GPR137C: variants seen among roughly 807,000 people sequenced by gnomAD.
GPR137C encodes G protein-coupled receptor 137C.
A neutral mutation model predicts 43.4 loss-of-function variants in GPR137C; 27 were observed. The ratio of observed to expected loss-of-function variants is 0.62; its 90% CI spans 0.46 to 0.86. The LOEUF is 0.86. Ranked by LOEUF, GPR137C falls within the 40% of genes least tolerant of loss-of-function variation. GPR137C has a pLI of 0.00. For synonymous variants in GPR137C, 285 were observed against 226.9 expected (o/e 1.26, Z -2.30); for missense variants, 522 against 534.6 (o/e 0.98, Z 0.23).
intron 2 of GPR137C, 74 bp from the exon 3 acceptor site, chr14:52,600,039 T>A: frequency 1.1e-6 from 1 of 950,242 alleles, no homozygotes; most frequent in South Asian, 1.5e-5. Flanking sequence ...GTACCTAACA[T>A]AACACACTAA....
chr14:52,629,859 T>C (rs1224154984), intron 3 of GPR137C, among the ~76,000 whole-genome samples: 3 of 152,202 alleles, frequency 2.0e-5, no homozygotes, highest in African/African-American at 7.2e-5. Flanking sequence ...TCCAATGTTA[T>C]GGATACTGAG....
At chr14:52,577,191 A>C in intron 1 of GPR137C, among the ~76,000 whole-genome samples, 1 of 143,988 alleles carries the variant, frequency 6.9e-6, no homozygotes, top group East Asian at 2.0e-4. Flanking sequence ...CTCAAAAAAA[A>C]AAAAAAAAAA....
chr14:52,633,638 A>G lies in GPR137C; in HGVS notation c.976A>G (p.Arg326Gly), dbSNP rs201417484. Residue 326 changes from arginine to glycine, a missense_variant, in exon 5 of 7, where the codon AGA becomes GGA. This residue lies in a region of GPR137C where 437 missense variants were observed against 425.7 expected (regional missense o/e 1.03). Coordinates refer to ENST00000321662, the MANE Select transcript of GPR137C (RefSeq NM_001099652.2). ...GGTGGTACTGTTTTTCCGGGCACAG[A>G]GATTAAACCAGAATTTGGTATGATA... ...WSVVLFFRAQ[R>G]LNQNLAPAGM... 13 of 1,613,034 alleles carry G rather than the reference A, an allele frequency of 8.1e-6. No homozygotes were observed. In the East Asian group the frequency reaches 1.1e-4, roughly 14 times the overall value.
intron 1 of GPR137C, among the ~76,000 whole-genome samples, chr14:52,585,927 G>T (rs1057430485): frequency 6.6e-6 from 1 of 152,216 alleles, no homozygotes; most frequent in Admixed American, 6.5e-5. Flanking sequence ...CAAAAGCAAT[G>T]TCTTTTTGCT....
In GPR137C at chr14:52,593,781, C is replaced by G. The variant is rs968433987; in HGVS notation, c.445-4491C>G. ...TTTTGTTGATCTTTCAAAAAACCAGCTCCTGGATTCATTGATTTTTTTGAA... is the reference window on the plus strand; with the variant it reads ...TTTTGTTGATCTTTCAAAAAACCAGGTCCTGGATTCATTGATTTTTTTGAA... On this transcript the variant is annotated intron_variant, in intron 1 of 6. Transcript: ENST00000321662. Among the ~76,000 whole-genome samples the G allele has an allele frequency of 5.3e-5, 4 of 75,962 alleles. No homozygotes were observed. The South Asian group carries it at 2.6e-3, about 49-fold the overall frequency. The allele number at this position is 75,962 out of a possible 152,430, so 49.8% of individuals were successfully genotyped here.
intron 1 of GPR137C, among the ~76,000 whole-genome samples, chr14:52,565,003 C>T (rs1398404826): frequency 6.6e-6 from 1 of 152,104 alleles, no homozygotes; most frequent in Non-Finnish European, 1.5e-5. Flanking sequence ...AATGCTACAA[C>T]CTCGGAGAGA....
chr14:52,578,896 A>G (rs1353819465), intron 1 of GPR137C, among the ~76,000 whole-genome samples: 1 of 151,754 alleles, frequency 6.6e-6, no homozygotes, highest in Non-Finnish European at 1.5e-5. Flanking sequence ...GTGAGCTGAG[A>G]TCGTGCCACT....
intron 1 of GPR137C, among the ~76,000 whole-genome samples, chr14:52,587,667 G>C (rs1351658341): frequency 6.6e-6 from 1 of 152,200 alleles, no homozygotes; most frequent in Non-Finnish European, 1.5e-5. Context: ...CTACTCGAGA[G>C]GCTGAGGCAG....
chr14:52,559,914 G>A (rs569769354), intron 1 of GPR137C, among the ~76,000 whole-genome samples: 5 of 152,174 alleles, frequency 3.3e-5, no homozygotes, highest in African/African-American at 1.2e-4. Context: ...TAATCTCAGC[G>A]CTTTGGGAGG....
intron 3 of GPR137C, among the ~76,000 whole-genome samples, chr14:52,604,829 G>T (rs1416329536): frequency 2.6e-5 from 4 of 152,094 alleles, no homozygotes; most frequent in Non-Finnish European, 4.4e-5. Context: ...TTCCCCCAGT[G>T]TATGTTCTGG....
chr14:52,629,543 C>T (rs2039270231), intron 3 of GPR137C, among the ~76,000 whole-genome samples: 1 of 152,126 alleles, frequency 6.6e-6, no homozygotes, highest in Admixed American at 6.5e-5. Context: ...CATCCAAAAA[C>T]AAGGATGAAT....
intron 3 of GPR137C, among the ~76,000 whole-genome samples, chr14:52,620,524 G>T (rs1275832097): frequency 1.3e-5 from 2 of 151,586 alleles, no homozygotes; most frequent in Non-Finnish European, 2.9e-5. Flanking sequence ...ACAATGTCCA[G>T]GTCAAGGTTA....
At chr14:52,592,865 A>G (rs900066230) in intron 1 of GPR137C, among the ~76,000 whole-genome samples, 1 of 152,178 alleles carries the variant, frequency 6.6e-6, no homozygotes, top group Non-Finnish European at 1.5e-5. Flanking sequence ...TTCCAACACT[A>G]TGTTGAATAG....
chr14:52,577,930 G>A (rs922565037), intron 1 of GPR137C, among the ~76,000 whole-genome samples: 1 of 151,852 alleles, frequency 6.6e-6, no homozygotes, highest in African/African-American at 2.4e-5. Context: ...GTGCCACTGC[G>A]TTCCAGCCTG....
rs1471186692 is a variant in GPR137C at position 52,553,176 on chromosome 14, C to T, written c.29C>T (p.Ala10Val). 1 of 1,185,144 alleles carries T rather than the reference C, an allele frequency of 8.4e-7. No individual in the cohort carries two copies. The highest frequency in any genetic ancestry group is 1.0e-6 in the Non-Finnish European group (1 of 959,922). The allele number at this position is 1,185,144 out of a possible 1,614,324, so 73.4% of individuals were successfully genotyped here. Residue 10 changes from alanine to valine, a missense_variant, in exon 1 of 7, where the codon GCC becomes GTC. By Grantham distance (64) the Ala-to-Val change is moderately conservative. Around this residue, in one of 3 missense-constraint regions of GPR137C, gnomAD observed 437 missense variants for 425.7 expected, o/e 1.03. Coordinates refer to ENST00000321662, the MANE Select transcript of GPR137C (RefSeq NM_001099652.2). Reference sequence around the variant, plus strand: ...AGGGTGTCCGTGCCGGGTCCGGCGGCCGCTGCCGCCCCCGCAGCCGGCCGC... The same window carrying T: ...AGGGTGTCCGTGCCGGGTCCGGCGGTCGCTGCCGCCCCCGCAGCCGGCCGC... MRVSVPGPA[A>V]AAAPAAGREP...
At chr14:52,579,958 G>A (rs989878981) in intron 1 of GPR137C, among the ~76,000 whole-genome samples, 6 of 152,210 alleles carry the variant, frequency 3.9e-5, no homozygotes, top group Non-Finnish European at 8.8e-5. Context: ...GTAAAGTGAA[G>A]CACAGCTCAT....
At chr14:52,579,080 G>A (rs1485300817) in intron 1 of GPR137C, among the ~76,000 whole-genome samples, 1 of 152,090 alleles carries the variant, frequency 6.6e-6, no homozygotes, top group Non-Finnish European at 1.5e-5. Context: ...TTTCTTCTTG[G>A]GCTGCTAAGA....
intron 1 of GPR137C, among the ~76,000 whole-genome samples, chr14:52,576,582 C>T (rs951879261): frequency 6.6e-6 from 1 of 152,194 alleles, no homozygotes; most frequent in African/African-American, 2.4e-5. Flanking sequence ...TAGAGAGCAA[C>T]GTAATAATAC....
chr14:52,553,492 G>T lies in GPR137C; in HGVS notation c.345G>T (p.Pro115=). The change falls in exon 1 of 7, where the codon CCG becomes CCT. Residue 115 remains proline (P), a synonymous_variant. Transcript: ENST00000321662. ...SLSGSLPLLR[P]PAHLHFFPHW... Reference sequence around the variant, plus strand: ...GCGGCTCCCTGCCCTTGCTCCGGCCGCCCGCTCACCTGCACTTCTTCCCCC... The same window carrying T: ...GCGGCTCCCTGCCCTTGCTCCGGCCTCCCGCTCACCTGCACTTCTTCCCCC... 6.2e-7 allele frequency: 1 copy of T among 1,608,720 alleles called. No individual in the cohort carries two copies.
Sources: gnomAD v4.1 joint callset for allele counts (sites outside exome capture counted in the v4.1 genomes callset) on GRCh38, gnomAD v4.1.1 for gene constraint, gnomAD v4.1.1 regional missense constraint, MANE v1.5 for transcripts, NCBI Gene and HGNC (gene_info 2026-07-23, HGNC 2026-07-21) for gene names.